PCDHGA11: variants seen among roughly 807,000 people sequenced by gnomAD.
PCDHGA11 encodes the protein protocadherin gamma subfamily A, 11.
In PCDHGA11, 39 loss-of-function variants were observed where a neutral mutation model predicts 60.4. The observed-to-expected ratio is 0.65, with a 90% confidence interval of 0.50 to 0.84. The LOEUF (loss-of-function observed/expected upper bound fraction) is 0.84, where lower values mean the gene tolerates loss of function less well. Among genes scored for constraint, PCDHGA11 ranks in the 40% least tolerant of loss-of-function variants. The pLI, the probability that PCDHGA11 is intolerant of heterozygous loss-of-function variation, is 0.00. For synonymous variants in PCDHGA11, 533 were observed against 510.3 expected (o/e 1.04, Z -0.60); for missense variants, 1,165 against 1,197.7 (o/e 0.97, Z 0.40).
intron 1 of PCDHGA11, 157 bp from the exon 2 acceptor site, chr5:141,494,645 GTGTAT>G: frequency 1.1e-6 from 1 of 935,948 alleles, no homozygotes; most frequent in Non-Finnish European, 1.3e-6. Context: ...GAGACCTGAG[GTGTAT>G]TTTGTCTTTG....
chr5:141,510,958 G>A lies in PCDHGA11; in HGVS notation c.2593G>A (p.Gly865Arg). 6.2e-7 allele frequency: 1 copy of A among 1,614,130 alleles called. No homozygotes were observed. Among genetic ancestry groups the A allele is most frequent in the Non-Finnish European group, 8.5e-7 (1 of 1,180,012 alleles). The change falls in exon 4 of 4, where the codon GGG becomes AGG. Residue 865 changes from glycine to arginine, a missense_variant. Transcript: ENST00000398587. The stretch of plus-strand genomic sequence containing the variant: ...CTCTGTCTCTGCAGAAGCTGCTGAT[G>A]GGAGCTCCACCCTGGGAGGGGGTGC... ...ILASASEAAD[G>R]SSTLGGGAGT...
At position 141,512,630 on chromosome 5, in the gene PCDHGA11, G is replaced by C. The variant is rs1335322474; in HGVS notation, c.*1457G>C. On this transcript the variant is annotated 3_prime_UTR_variant, in exon 4 of 4. Transcript: ENST00000398587. ...GGGGCTGCCAGAGAACCCCAGACCT[G>C]CCCTTACAGTAGTGTAGCGCCCCCT... The C allele has an allele frequency of 6.5e-6, 1 of 152,888 alleles. No individual in the cohort carries two copies. Among genetic ancestry groups the C allele is most frequent in the Non-Finnish European group, 1.5e-5 (1 of 68,576 alleles). 9.5% of individuals were successfully genotyped at this position (152,888 alleles called of 1,614,324 possible).
chr5:141,437,306 C>T (rs1462689998), intron 1 of PCDHGA11, among the ~76,000 whole-genome samples: 1 of 152,104 alleles, frequency 6.6e-6, no homozygotes, highest in Non-Finnish European at 1.5e-5. Flanking sequence ...CAAGTTAAAG[C>T]GTTCAGCTAT....
At position 141,486,447 on chromosome 5, in the gene PCDHGA11, T is replaced by A. The variant is rs1452869378; in HGVS notation, c.2434-8360T>A. 6.2e-7 allele frequency: 1 copy of A among 1,614,058 alleles called. No individual in the cohort carries two copies. The highest frequency in any genetic ancestry group is 1.7e-5 in the Admixed American group (1 of 60,012). On this transcript the variant is annotated intron_variant, in intron 1 of 3. Coordinates refer to ENST00000398587, the MANE Select transcript of PCDHGA11 (RefSeq NM_018914.3). This position sits in a 1 kb window ranked among gnomAD's most constrained non-coding sequence, Gnocchi z 5.0. Reference sequence around the variant, plus strand: ...GCCAAATCTAGCTATGACATCATGGTCACTGCTTCTGATGCTGGGAACCCT... The same window carrying A: ...GCCAAATCTAGCTATGACATCATGGACACTGCTTCTGATGCTGGGAACCCT...
chr5:141,464,063 A>G (rs893270944), intron 1 of PCDHGA11, among the ~76,000 whole-genome samples: 2 of 152,016 alleles, frequency 1.3e-5, no homozygotes, highest in Non-Finnish European at 2.9e-5. Flanking sequence ...TCAGGAGTTC[A>G]AGGCCAGCCT....
chr5:141,491,353 T>A lies in PCDHGA11; in HGVS notation c.2434-3454T>A. On this transcript the variant is annotated intron_variant, in intron 1 of 3. Coordinates refer to ENST00000398587, the MANE Select transcript of PCDHGA11 (RefSeq NM_018914.3). This position sits in a 1 kb window ranked among gnomAD's most constrained non-coding sequence, Gnocchi z 6.9. ...GGCTCTAGCGACCGTCAGTCTCTTATCCCTAGTCACCTTCACCTTTCTGTC... is the reference window on the plus strand; with the variant it reads ...GGCTCTAGCGACCGTCAGTCTCTTAACCCTAGTCACCTTCACCTTTCTGTC... The A allele has an allele frequency of 6.2e-7, 1 of 1,614,160 alleles. No homozygotes were observed. Among genetic ancestry groups the A allele is most frequent in the South Asian group, 1.1e-5 (1 of 91,080 alleles).
chr5:141,487,435 A>G lies in PCDHGA11; in HGVS notation c.2434-7372A>G, dbSNP rs776328527. On this transcript the variant is annotated intron_variant, in intron 1 of 3. Transcript: ENST00000398587. The surrounding 1 kb of genome is among the most constrained non-coding windows in gnomAD (Gnocchi z 5.0). ...CCAATGGGATCCTCCGAATCCAGCT[A>G]GGGTCAGATGACCCTATCAAGTTTG... 3.7e-6 allele frequency: 6 copies of G among 1,614,164 alleles called. No individual in the cohort carries two copies. In the South Asian group the frequency reaches 6.6e-5, roughly 18 times the overall value.
chr5:141,467,268 G>C lies in PCDHGA11; in HGVS notation c.2434-27539G>C, dbSNP rs1195615721. On this transcript the variant is annotated intron_variant, in intron 1 of 3. Transcript: ENST00000398587. The stretch of plus-strand genomic sequence containing the variant: ...GGGTTTCACCATGTTGGCCAGGCTG[G>C]TCTCGAACTCTTGACCTCAAGTGAT... Among the ~76,000 whole-genome samples, 3 of 152,030 alleles carry C rather than the reference G, an allele frequency of 2.0e-5. No homozygotes were observed. The South Asian group carries it at 6.2e-4, about 32-fold the overall frequency.
Position 141,421,422 on chromosome 5 carries a change from C to T in PCDHGA11, c.195C>T (p.Val65=), listed in dbSNP as rs908483513. The stretch of plus-strand genomic sequence containing the variant: ...CCCGGGAGCTGGCGAAGCGCGGAGT[C>T]CGCATCGTCTCCAGAGGGAAGACAC... The part of the protein sequence containing the change: ...LEPRELAKRG[V]RIVSRGKTQL... The change falls in exon 1 of 4, where the codon GTC becomes GTT. Residue 65 remains valine, a synonymous_variant. Coordinates refer to ENST00000398587, the MANE Select transcript of PCDHGA11 (RefSeq NM_018914.3). The T allele has an allele frequency of 6.2e-7, 1 of 1,614,086 alleles. No homozygotes were observed. The highest frequency in any genetic ancestry group is 8.5e-7 in the Non-Finnish European group (1 of 1,179,918).
In PCDHGA11 at chr5:141,459,352, C is replaced by T. The variant is rs111826527; in HGVS notation, c.2434-35455C>T. On this transcript the variant is annotated intron_variant, in intron 1 of 3. Coordinates refer to ENST00000398587, the MANE Select transcript of PCDHGA11 (RefSeq NM_018914.3). Reference sequence around the variant, plus strand: ...TACTCCAAAGTTCTTGAAATTCATTCATGTTCCTGTGTGTATCAGCAGCGT... The same window carrying T: ...TACTCCAAAGTTCTTGAAATTCATTTATGTTCCTGTGTGTATCAGCAGCGT... 1.4e-4 allele frequency among the ~76,000 whole-genome samples: 21 copies of T among 152,304 alleles called. No homozygotes were observed. The East Asian group carries it at 3.7e-3, about 27-fold the overall frequency.
At chr5:141,463,831 C>T (rs2099070299) in intron 1 of PCDHGA11, among the ~76,000 whole-genome samples, 1 of 152,174 alleles carries the variant, frequency 6.6e-6, no homozygotes, top group African/African-American at 2.4e-5. Flanking sequence ...TGATCCACTT[C>T]CCAGTTGTTA....
intron 2 of PCDHGA11, among the ~76,000 whole-genome samples, chr5:141,503,423 C>T (rs1018496430): frequency 6.6e-6 from 1 of 151,752 alleles, no homozygotes; most frequent in Non-Finnish European, 1.5e-5. Context: ...GGTGAAACCC[C>T]ATCTCTACTA....
In PCDHGA11 at chr5:141,476,839, G is replaced by T; in HGVS notation, c.2434-17968G>T. The T allele has an allele frequency of 1.9e-6, 3 of 1,613,610 alleles. No individual in the cohort carries two copies. Among genetic ancestry groups the T allele is most frequent in the East Asian group, 2.2e-5 (1 of 44,862 alleles). ...AGGTGCTGGACGCGAATGACAATGC[G>T]CCTGTCTTCAACCAGTCCTTGTACC... On this transcript the variant is annotated intron_variant, in intron 1 of 3. Coordinates refer to ENST00000398587, the MANE Select transcript of PCDHGA11 (RefSeq NM_018914.3). This position sits in a 1 kb window ranked among gnomAD's most constrained non-coding sequence, Gnocchi z 7.6.
At chr5:141,478,712 G>T in intron 1 of PCDHGA11, 1 of 1,547,046 alleles carries the variant, frequency 6.5e-7, no homozygotes, top group Non-Finnish European at 8.7e-7. Flanking sequence ...TTTGTGAGAT[G>T]GTGGCCTGCC....
rs545232987 is a variant in PCDHGA11 at position 141,484,750 on chromosome 5, G to GTA, written c.2434-10043_2434-10042dup. 2.3e-3 allele frequency among the ~76,000 whole-genome samples: 340 copies of GTA among 149,860 alleles called. 1 individual carries two copies. Among genetic ancestry groups the GTA allele is most frequent in the South Asian group, 1.0e-2 (47 of 4,704 alleles). On this transcript the variant is annotated intron_variant, in intron 1 of 3. Coordinates refer to ENST00000398587, the MANE Select transcript of PCDHGA11 (RefSeq NM_018914.3). ...CAGTCGGTGTGTTAGGAAAAAAAAT[G>GTA]TATATATATATATATGTTGTCTGCC...
chr5:141,422,465 G>A lies in PCDHGA11; in HGVS notation c.1238G>A (p.Arg413Lys). 6.2e-7 allele frequency: 1 copy of A among 1,613,508 alleles called. No homozygotes were observed. Among genetic ancestry groups the A allele is most frequent in the Non-Finnish European group, 8.5e-7 (1 of 1,179,736 alleles). Residue 413 changes from arginine (R) to lysine (K), a missense_variant, in exon 1 of 4, where the codon AGG becomes AAG. Coordinates refer to ENST00000398587, the MANE Select transcript of PCDHGA11 (RefSeq NM_018914.3). ...TTGATAACAAGCAGAGTGCTGGACA[G>A]GGAGTTGGTCCAGAGCTACAATATA... The part of the protein sequence containing the change: ...YKLITSRVLD[R>K]ELVQSYNITL...
rs992592523 is a variant in PCDHGA11 at position 141,432,710 on chromosome 5, C to T, written c.2433+9050C>T. ...CGTAGTGGCCGTCCAGGACCACGGC[C>T]AGCCCCCTCTCTCCGCCACTGTCAC... On this transcript the variant is annotated intron_variant, in intron 1 of 3. Coordinates refer to ENST00000398587, the MANE Select transcript of PCDHGA11 (RefSeq NM_018914.3). This position sits in a 1 kb window ranked among gnomAD's most constrained non-coding sequence, Gnocchi z 6.0. The T allele has an allele frequency of 6.2e-7, 1 of 1,613,884 alleles. No homozygotes were observed.
chr5:141,495,529 C>T (rs1466269939), intron 2 of PCDHGA11, among the ~76,000 whole-genome samples: 1 of 152,210 alleles, frequency 6.6e-6, no homozygotes, highest in African/African-American at 2.4e-5. Flanking sequence ...ACCTCTCAGT[C>T]CTTCCCTCAG....
chr5:141,477,059 A>T lies in PCDHGA11; in HGVS notation c.2434-17748A>T. The T allele has an allele frequency of 6.2e-7, 1 of 1,614,238 alleles. No homozygotes were observed. Among genetic ancestry groups the T allele is most frequent in the Non-Finnish European group, 8.5e-7 (1 of 1,180,036 alleles). ...CAAGGGTCGGCTGGACTTCGAGGAC[A>T]CCAAACTCCATGAGATTTACATCCA... On this transcript the variant is annotated intron_variant, in intron 1 of 3. Transcript: ENST00000398587. The surrounding 1 kb of genome is among the most constrained non-coding windows in gnomAD (Gnocchi z 4.9).
Sources: allele counts gnomAD v4.1 joint callset (sites outside exome capture counted in the v4.1 genomes callset), GRCh38; gene constraint gnomAD v4.1.1; non-coding constraint Gnocchi (gnomAD v3.1); transcripts MANE v1.5; gene names NCBI Gene and HGNC (gene_info 2026-07-23, HGNC 2026-07-21).